Variants in GPN3 observed in about 807,000 individuals in gnomAD.
GPN3 encodes ATP-binding domain 1 family member C.
In GPN3, 31 loss-of-function variants were observed where a neutral mutation model predicts 38.7. That is an observed-to-expected ratio of 0.80 (90% CI 0.60 to 1.08). The LOEUF (loss-of-function observed/expected upper bound fraction) is 1.08. GPN3 is among the 50% of genes least tolerant of loss of function. GPN3 has a pLI of 0.00. For missense variants in GPN3, 301 were observed against 354.4 expected, an observed-to-expected ratio of 0.85 and a Z score of 1.21; for synonymous variants, 116 against 120.2, an observed-to-expected ratio of 0.96 and a Z score of 0.23.
chr12:110,461,353 G>T, intron 2 of GPN3: 1 of 694,058 alleles, frequency 1.4e-6, no homozygotes, highest in Non-Finnish European at 2.6e-6. Flanking sequence ...CAATGTCGAT[G>T]AGAACTAATC....
At chr12:110,465,495 G>A (rs922291397) in intron 1 of GPN3, among the ~76,000 whole-genome samples, 4 of 152,264 alleles carry the variant, frequency 2.6e-5, no homozygotes, top group African/African-American at 7.2e-5. Flanking sequence ...TTCTAAATGT[G>A]ACAAGCGGTA....
chr12:110,457,471 A>C, intron 4 of GPN3, 39 bp downstream of exon 4: 1 of 1,385,584 alleles, frequency 7.2e-7, no homozygotes, highest in Non-Finnish European at 9.4e-7. Context: ...AAAAAAAAAA[A>C]AAAAAAAAAA....
chr12:110,461,381 T>C, intron 2 of GPN3: 1 of 533,280 alleles, frequency 1.9e-6, no homozygotes. Flanking sequence ...GTCAAATACA[T>C]CAAATAAAGT....
intron 4 of GPN3, among the ~76,000 whole-genome samples, chr12:110,456,346 A>C (rs867832246): frequency 4.0e-5 from 6 of 151,744 alleles, no homozygotes; most frequent in Non-Finnish European, 5.9e-5. Flanking sequence ...AAAAAAAAAA[A>C]AAAAGAAATG....
chr12:110,465,438 G>A (rs1483436118), intron 1 of GPN3, among the ~76,000 whole-genome samples: 2 of 152,082 alleles, frequency 1.3e-5, no homozygotes, highest in Admixed American at 6.6e-5. Context: ...TTCAATTTTC[G>A]TGTCTCTAAC....
chr12:110,457,535 G>T lies in GPN3; in HGVS notation c.425C>A (p.Ser142Tyr), dbSNP rs144792599. ...FRVCGVFLVD[S>Y]QFMVESFKFI... ...CTTGAATGACTCCACCATGAACTGA[G>T]AATCAACAAGAAAAACTCCACAGAC... is the stretch of plus-strand genomic sequence containing the variant. Residue 142 changes from serine to tyrosine, a missense_variant, in exon 4 of 8, where the codon TCT becomes TAT. Transcript: ENST00000228827. 2 of 1,576,988 alleles carry T rather than the reference G, an allele frequency of 1.3e-6. No homozygotes were observed. The highest frequency in any genetic ancestry group is 1.1e-5 in the South Asian group (1 of 89,736).
intron 3 of GPN3, 100 bp from the exon 4 acceptor site, chr12:110,457,734 G>T: frequency 1.2e-6 from 1 of 816,238 alleles, no homozygotes; most frequent in Non-Finnish European, 1.9e-6. Context: ...AAAAATAAAA[G>T]CCAACACATT....
intron 2 of GPN3, among the ~76,000 whole-genome samples, chr12:110,460,542 A>ATT (rs954338987): frequency 2.6e-5 from 4 of 152,210 alleles, no homozygotes; most frequent in African/African-American, 9.6e-5. Context: ...ATATATCAAA[A>ATT]TCACCATCAG....
upstream of GPN3, chr12:110,468,337 C>G: frequency 6.5e-7 from 1 of 1,545,390 alleles, no homozygotes; most frequent in South Asian, 1.2e-5. Context: ...CCTCCTACTA[C>G]GGGGCAGCCC....
At chr12:110,460,261 C>T (rs1164508291) in intron 2 of GPN3, among the ~76,000 whole-genome samples, 1 of 152,172 alleles carries the variant, frequency 6.6e-6, no homozygotes, top group African/African-American at 2.4e-5. Flanking sequence ...TGAAAGAACA[C>T]ACCAGAAACT....
rs1156364645 is a variant in GPN3 at position 110,455,840 on chromosome 12, T to C, written c.541A>G (p.Lys181Glu). ...NIMTKMDLLS[K>E]KAKKEIEKFL... ...TTCTCAATTTCCTTTTTTGCTTTTTTACTCAGCAGATCCATTTTTGTCATG... is the reference window on the plus strand; with the variant it reads ...TTCTCAATTTCCTTTTTTGCTTTTTCACTCAGCAGATCCATTTTTGTCATG... Residue 181 changes from lysine to glutamate, a missense_variant, in exon 5 of 8, where the codon AAA (lysine) becomes GAA (glutamate). By Grantham distance (56) the Lys-to-Glu change is moderately conservative. Transcript: ENST00000228827. 6 of 1,596,154 alleles carry C rather than the reference T, an allele frequency of 3.8e-6. No individual in the cohort carries two copies. The highest frequency in any genetic ancestry group is 2.2e-5 in the South Asian group (2 of 90,726).
At chr12:110,461,818 A>T (rs2062591905) in intron 2 of GPN3, among the ~76,000 whole-genome samples, 1 of 152,144 alleles carries the variant, frequency 6.6e-6, no homozygotes, top group Non-Finnish European at 1.5e-5. Flanking sequence ...ATAACAGATA[A>T]CTGATCCAAA....
At chr12:110,456,357 C>A (rs972233609) in intron 4 of GPN3, among the ~76,000 whole-genome samples, 7 of 148,868 alleles carry the variant, frequency 4.7e-5, no homozygotes, top group African/African-American at 1.7e-4. Flanking sequence ...AAAAGAAATG[C>A]CAGTTCAGAA....
intron 1 of GPN3, among the ~76,000 whole-genome samples, chr12:110,467,611 C>A (rs940783934): frequency 6.6e-6 from 1 of 152,154 alleles, no homozygotes; most frequent in African/African-American, 2.4e-5. Flanking sequence ...AAGTTGAGAA[C>A]TGAAAGAGAA....
chr12:110,468,065 T>C (rs2062648953), intron 1 of GPN3, 91 bp downstream of exon 1: 2 of 1,594,564 alleles, frequency 1.3e-6, no homozygotes, highest in East Asian at 2.2e-5. Flanking sequence ...GGGTTCCCAG[T>C]ACACACACCC....
At chr12:110,461,967 G>GA (rs1278727939) in intron 2 of GPN3, among the ~76,000 whole-genome samples, 2 of 152,050 alleles carry the variant, frequency 1.3e-5, no homozygotes, top group Non-Finnish European at 2.9e-5. Context: ...TCAGCCTCCT[G>GA]AGTGGCTGGG....
rs1380455545 is a variant in GPN3 at position 110,458,392 on chromosome 12, T to C, written c.326-758A>G. ...CATCAAGCTGTATACTTATGACATATATACTTTTCTGTGGGTATATGTATG... is the reference window on the plus strand; with the variant it reads ...CATCAAGCTGTATACTTATGACATACATACTTTTCTGTGGGTATATGTATG... On this transcript the variant is annotated intron_variant, in intron 3 of 7. Transcript: ENST00000228827. The surrounding 1 kb of genome is among the most constrained non-coding windows in gnomAD (Gnocchi z 4.4). 6.6e-6 allele frequency among the ~76,000 whole-genome samples: 1 copy of C among 152,216 alleles called. No individual in the cohort carries two copies. The highest frequency in any genetic ancestry group is 1.5e-5 in the Non-Finnish European group (1 of 68,038).
intron 1 of GPN3, among the ~76,000 whole-genome samples, chr12:110,465,838 A>T (rs2062623557): frequency 6.6e-6 from 1 of 152,094 alleles, no homozygotes; most frequent in Admixed American, 6.6e-5. Flanking sequence ...GTACTTTGGG[A>T]GGCTGAGGTC....
chr12:110,463,172 C>A (rs1002571925), intron 2 of GPN3, among the ~76,000 whole-genome samples: 1 of 152,094 alleles, frequency 6.6e-6, no homozygotes, highest in African/African-American at 2.4e-5. Context: ...ATTATCCCAG[C>A]ACTTTCGGAA....
Sources: allele counts gnomAD v4.1 joint callset (sites outside exome capture counted in the v4.1 genomes callset), GRCh38; gene constraint gnomAD v4.1.1; non-coding constraint Gnocchi (gnomAD v3.1); transcripts MANE v1.5; gene names NCBI Gene and HGNC (gene_info 2026-07-23, HGNC 2026-07-21).